The following LYPD6 variants were observed in gnomAD, a reference collection of about 807,000 sequenced individuals.
LYPD6 encodes ly6/PLAUR domain-containing protein 6.
In LYPD6, 15 loss-of-function variants were observed where a neutral mutation model predicts 22.7. That is an observed-to-expected ratio of 0.66 (90% CI 0.44 to 1.02). The LOEUF (loss-of-function observed/expected upper bound fraction) is 1.02. Among genes scored for constraint, LYPD6 ranks in the 50% least tolerant of loss-of-function variants. The pLI is 0.00. For missense variants in LYPD6, 189 were observed against 208.4 expected, an observed-to-expected ratio of 0.91 and a Z score of 0.57; for synonymous variants, 72 against 77.5, an observed-to-expected ratio of 0.93 and a Z score of 0.37.
intron 1 of LYPD6, among the ~76,000 whole-genome samples, chr2:149,429,196 C>CATT (rs1302609756): frequency 6.6e-6 from 1 of 152,200 alleles, no homozygotes; most frequent in African/African-American, 2.4e-5. Flanking sequence ...TGGAATGGCA[C>CATT]ATTACTCTGG....
intron 1 of LYPD6, among the ~76,000 whole-genome samples, chr2:149,353,966 A>T (rs776780911): frequency 3.9e-5 from 6 of 152,126 alleles, no homozygotes; most frequent in Non-Finnish European, 7.4e-5. Flanking sequence ...TTCACTCAGA[A>T]AACTGAGTGT....
intron 2 of LYPD6, among the ~76,000 whole-genome samples, chr2:149,448,622 C>A (rs780462401): frequency 8.5e-5 from 13 of 152,114 alleles, no homozygotes; most frequent in Non-Finnish European, 1.8e-4. Flanking sequence ...TGGAACCATG[C>A]AATATATAAC....
chr2:149,442,806 G>A (rs968546729), intron 2 of LYPD6, among the ~76,000 whole-genome samples: 4 of 152,262 alleles, frequency 2.6e-5, no homozygotes, highest in African/African-American at 9.6e-5. Flanking sequence ...AAAGCAGTAT[G>A]TTTGCAGAGA....
At chr2:149,407,665 G>C (rs1682751740) in intron 1 of LYPD6, among the ~76,000 whole-genome samples, 1 of 151,946 alleles carries the variant, frequency 6.6e-6, no homozygotes, top group African/African-American at 2.4e-5. Context: ...CAACTTCTTT[G>C]CCTTTGGTTT....
intron 1 of LYPD6, among the ~76,000 whole-genome samples, chr2:149,425,499 A>G (rs897972635): frequency 1.3e-5 from 2 of 152,194 alleles, no homozygotes; most frequent in Non-Finnish European, 2.9e-5. Context: ...ATAGGAGGCT[A>G]CTCAGTACTT....
At chr2:149,400,328 C>T (rs946987826) in intron 1 of LYPD6, among the ~76,000 whole-genome samples, 1 of 152,192 alleles carries the variant, frequency 6.6e-6, no homozygotes, top group Non-Finnish European at 1.5e-5. Context: ...ATCGATAGGT[C>T]GCACATGGCT....
At chr2:149,398,834 C>T (rs147233410) in intron 1 of LYPD6, among the ~76,000 whole-genome samples, 1 of 151,980 alleles carries the variant, frequency 6.6e-6, no homozygotes, top group Admixed American at 6.6e-5. Flanking sequence ...TTAATCCTAA[C>T]AAAAAGGTAT....
At chr2:149,376,477 G>A (rs1681924286) in intron 1 of LYPD6, among the ~76,000 whole-genome samples, 1 of 152,034 alleles carries the variant, frequency 6.6e-6, no homozygotes. Context: ...TGTTCTAGAG[G>A]AGGGGATAAA....
chr2:149,336,937 G>GTGTGTA (rs373218351), intron 1 of LYPD6, among the ~76,000 whole-genome samples: 8,357 of 151,734 alleles, frequency 0.055, 272 homozygotes, highest in East Asian at 0.14. Context: ...ACGTGTGTGT[G>GTGTGTA]TGTGTGTGTG....
At chr2:149,438,353 A>G (rs1419123531) in intron 2 of LYPD6, among the ~76,000 whole-genome samples, 6 of 152,344 alleles carry the variant, frequency 3.9e-5, no homozygotes, top group Middle Eastern at 3.4e-3. Flanking sequence ...ATTTGCATGT[A>G]TCTCAGGCTG....
At position 149,471,098 on chromosome 2, in the gene LYPD6, T is replaced by G; in HGVS notation, c.*248T>G. 1 of 364,032 alleles carries G rather than the reference T, an allele frequency of 2.7e-6. No homozygotes were observed. Among genetic ancestry groups the G allele is most frequent in the Non-Finnish European group, 5.0e-6 (1 of 199,774 alleles). 22.6% of individuals were successfully genotyped at this position (364,032 alleles called of 1,614,324 possible). ...AAGTTCCATACCATAAACGTTTGTT[T>G]TCATTCCAAGAAGTAGTTCTGCATT... On this transcript the variant is annotated 3_prime_UTR_variant, in exon 5 of 5. Coordinates refer to ENST00000334166, the MANE Select transcript of LYPD6 (RefSeq NM_194317.5).
chr2:149,453,911 C>T (rs958956456), intron 3 of LYPD6, among the ~76,000 whole-genome samples: 7 of 152,234 alleles, frequency 4.6e-5, no homozygotes, highest in African/African-American at 9.6e-5. Context: ...GGGGACCCAA[C>T]GCCTTGCAAT....
chr2:149,477,360 C>A (rs1458410610), downstream of LYPD6, among the ~76,000 whole-genome samples: 1 of 152,004 alleles, frequency 6.6e-6, no homozygotes, highest in African/African-American at 2.4e-5. Flanking sequence ...TGGTGGCTCA[C>A]GCCTACAATC....
At chr2:149,484,078 A>G in the LYPD6 span, among the ~76,000 whole-genome samples, 537 of 152,326 alleles carry the variant, frequency 3.5e-3, 6 homozygotes, top group African/African-American at 0.012. Context: ...AGCTTACAAC[A>G]AACGTTAATA....
chr2:149,377,291 G>C (rs1028657984), intron 1 of LYPD6, among the ~76,000 whole-genome samples: 5 of 148,834 alleles, frequency 3.4e-5, no homozygotes, highest in Admixed American at 2.0e-4. Context: ...GCAGGAATCT[G>C]CCTGCTTGGC....
intron 1 of LYPD6, among the ~76,000 whole-genome samples, chr2:149,357,455 A>C (rs956794485): frequency 7.9e-5 from 12 of 152,206 alleles, no homozygotes; most frequent in Non-Finnish European, 1.8e-4. Context: ...TGCAATCAGT[A>C]ATGATCATAT....
chr2:149,351,674 T>C (rs778544581), intron 1 of LYPD6, among the ~76,000 whole-genome samples: 15 of 152,128 alleles, frequency 9.9e-5, no homozygotes, highest in Non-Finnish European at 1.8e-4. Flanking sequence ...GTGTATGTAT[T>C]GTTCCAGGAA....
intron 1 of LYPD6, among the ~76,000 whole-genome samples, chr2:149,383,584 A>G (rs1386555299): frequency 6.6e-6 from 1 of 152,172 alleles, no homozygotes; most frequent in African/African-American, 2.4e-5. Context: ...TGGAAATGGG[A>G]GTGAGAGAAA....
chr2:149,330,960 T>C (rs916105235), intron 1 of LYPD6, among the ~76,000 whole-genome samples: 5 of 152,018 alleles, frequency 3.3e-5, no homozygotes, highest in Non-Finnish European at 7.4e-5. Context: ...TGTGTACTCG[T>C]GTGTGTTGGG....
Sources: gnomAD v4.1 joint callset for allele counts (sites outside exome capture counted in the v4.1 genomes callset) on GRCh38, gnomAD v4.1.1 for gene constraint, MANE v1.5 for transcripts, NCBI Gene and HGNC (gene_info 2026-07-23, HGNC 2026-07-21) for gene names.